Variants in LMNB1 observed in about 807,000 individuals in gnomAD.
The protein encoded by LMNB1 is lamin B1, also known as lamin-B1.
LMNB1 carries 23 observed loss-of-function variants against 67.1 expected under a neutral mutation model. The observed-to-expected ratio is 0.34, with a 90% CI of 0.25 to 0.49. LMNB1 has a LOEUF of 0.49. Among genes scored for constraint, LMNB1 ranks in the 20% least tolerant of loss-of-function variants. The pLI, the probability that LMNB1 is intolerant of heterozygous loss-of-function variation, is 0.99. For synonymous variants in LMNB1, 281 were observed against 282.9 expected (o/e 0.99, Z 0.07); for missense variants, 634 against 746.5 (o/e 0.85, Z 1.76).
rs1411898835 is a variant in LMNB1, at chr5:126,777,788, G to T, written c.280G>T (p.Asp94Tyr). ...GCTGGCCGACGCGCGACGCGCGCTC[G>T]ACGACACGGCCCGCGAGCGCGCCAA... Reference protein sequence around the residue: ...TELADARRALDDTARERAKLQ... With the variant: ...TELADARRALYDTARERAKLQ... The change falls in exon 1 of 11, where the codon GAC becomes TAC. Residue 94 changes from aspartate to tyrosine, a missense_variant. Coordinates refer to ENST00000261366, the MANE Select transcript of LMNB1 (RefSeq NM_005573.4). 6.6e-7 allele frequency: 1 copy of T among 1,506,118 alleles called. No individual in the cohort carries two copies. Among genetic ancestry groups the T allele is most frequent in the Non-Finnish European group, 8.9e-7 (1 of 1,124,770 alleles). The allele number at this position is 1,506,118 out of a possible 1,614,324, so 93.3% of individuals were successfully genotyped here. A position where few individuals can be genotyped will look rare whatever the true frequency, so the allele number is the denominator to read the frequency against.
At chr5:126,821,231 T>A in intron 7 of LMNB1, 96 bp downstream of exon 7, 1 of 751,336 alleles carries the variant, frequency 1.3e-6, no homozygotes, top group Non-Finnish European at 2.3e-6. Context: ...TTGGATTCAT[T>A]ACGTCTTCAT....
At position 126,780,253 on chromosome 5, in the gene LMNB1, A is replaced by G. The variant is rs143857465; in HGVS notation, c.359+2386A>G. On this transcript the variant is annotated intron_variant, in intron 1 of 10. Transcript: ENST00000261366. ...ACCAGTCACCGTTCTATGTTAGAGG[A>G]TATGAAGATTTTTTTAAAAAAATGA... Among the ~76,000 whole-genome samples the G allele has an allele frequency of 7.4e-3, 1,122 of 152,230 alleles. 10 individuals are homozygous for G. The highest frequency in any genetic ancestry group is 0.012 in the Non-Finnish European group (841 of 68,020).
chr5:126,822,963 A>G (rs1478733091), intron 8 of LMNB1, 78 bp downstream of exon 8: 2 of 871,214 alleles, frequency 2.3e-6, no homozygotes, highest in East Asian at 5.2e-5. Flanking sequence ...TTTTGGCTAA[A>G]AGAGAAGCAT....
In LMNB1 at chr5:126,822,969, A is replaced by C. The variant is rs572287331; in HGVS notation, c.1491+84A>C. The C allele has an allele frequency of 4.2e-4, 345 of 821,106 alleles. 1 individual carries two copies. The African/African-American group carries it at 5.6e-3, about 13-fold the overall frequency. The allele number at this position is 821,106 out of a possible 1,614,324, so 50.9% of individuals were successfully genotyped here. On this transcript the variant is annotated intron_variant, in intron 8 of 10. Transcript: ENST00000261366. ...CAAAAAGTTTTTTGGCTAAAAGAGA[A>C]GCATTTTAGAAATGGCCGTTAAAGT...
At chr5:126,827,385 C>T (rs1752021372) in intron 9 of LMNB1, among the ~76,000 whole-genome samples, 1 of 152,150 alleles carries the variant, frequency 6.6e-6, no homozygotes, top group Non-Finnish European at 1.5e-5. Flanking sequence ...TCAGGCCCAG[C>T]GCAGTGGCTC....
At chr5:126,808,482 C>G (rs188875425) in intron 3 of LMNB1, among the ~76,000 whole-genome samples, 42 of 151,252 alleles carry the variant, frequency 2.8e-4, no homozygotes, top group African/African-American at 9.9e-4. Flanking sequence ...AGCCACTACG[C>G]TGGCCTTAAC....
intron 5 of LMNB1, among the ~76,000 whole-genome samples, chr5:126,817,699 T>C (rs1751747986): frequency 6.6e-6 from 1 of 152,234 alleles, no homozygotes; most frequent in Admixed American, 6.5e-5. Flanking sequence ...ATTTTGAACC[T>C]GTACTGCTGT....
chr5:126,780,449 C>T (rs1326490691), intron 1 of LMNB1, among the ~76,000 whole-genome samples: 1 of 152,074 alleles, frequency 6.6e-6, no homozygotes, highest in Non-Finnish European at 1.5e-5. Flanking sequence ...ACCTGGCTGA[C>T]AGTAGTTGTA....
chr5:126,777,910 G>A, intron 1 of LMNB1, 43 bp downstream of exon 1: 1 of 1,380,448 alleles, frequency 7.2e-7, no homozygotes, highest in Non-Finnish European at 9.3e-7. Context: ...AGGAGGGGCG[G>A]GGGCGCAACC....
At chr5:126,825,655 C>T (rs573353429) in intron 8 of LMNB1, among the ~76,000 whole-genome samples, 1 of 152,302 alleles carries the variant, frequency 6.6e-6, no homozygotes, top group South Asian at 2.1e-4. Flanking sequence ...ATAATCGCAC[C>T]TGTTACAGGT....
At chr5:126,813,966 G>A (rs1021213702) in intron 5 of LMNB1, among the ~76,000 whole-genome samples, 2 of 152,082 alleles carry the variant, frequency 1.3e-5, no homozygotes, top group African/African-American at 4.8e-5. Flanking sequence ...CGCAATCTCG[G>A]CTCACTGCAA....
rs11430160 is a variant in LMNB1, at chr5:126,812,718, C to CTTTTTTTTTTT, written c.939+834_939+844dup. Among the ~76,000 whole-genome samples, 213 of 117,138 alleles carry CTTTTTTTTTTT rather than the reference C, an allele frequency of 1.8e-3. 2 individuals carry two copies. Among genetic ancestry groups the CTTTTTTTTTTT allele is most frequent in the African/African-American group, 3.3e-3 (96 of 29,416 alleles). 76.8% of individuals were successfully genotyped at this position (117,138 alleles called of 152,430 possible). ...CCACATGAGAATAAACTTTATTTTA[C>CTTTTTTTTTTT]TTTTTTTTTTTTTTTTTTTTTTTTC... On this transcript the variant is annotated intron_variant, in intron 5 of 10. Coordinates refer to ENST00000261366, the MANE Select transcript of LMNB1 (RefSeq NM_005573.4).
At chr5:126,783,503 C>A (rs1241651149) in intron 1 of LMNB1, among the ~76,000 whole-genome samples, 1 of 152,064 alleles carries the variant, frequency 6.6e-6, no homozygotes, top group Non-Finnish European at 1.5e-5. Context: ...AAGGACCAAA[C>A]CCCTAAAAAT....
intron 8 of LMNB1, among the ~76,000 whole-genome samples, chr5:126,823,755 C>T (rs1751925702): frequency 1.3e-5 from 2 of 152,092 alleles, no homozygotes; most frequent in South Asian, 4.1e-4. Context: ...GAGCATGATG[C>T]CACTTTGTGA....
chr5:126,777,422 C>T lies in LMNB1; in HGVS notation c.-87C>T, dbSNP rs1750486629. The T allele has an allele frequency of 7.2e-6, 9 of 1,247,700 alleles. No homozygotes were observed. The highest frequency in any genetic ancestry group is 9.0e-6 in the Non-Finnish European group (9 of 997,408). 77.3% of individuals were successfully genotyped at this position (1,247,700 alleles called of 1,614,324 possible). A position where few individuals can be genotyped will look rare whatever the true frequency, so the allele number is the denominator to read the frequency against. On this transcript the variant is annotated 5_prime_UTR_variant, in exon 1 of 11. Coordinates refer to ENST00000261366, the MANE Select transcript of LMNB1 (RefSeq NM_005573.4). ...GTGAGCGCAGGTCGCCGGTTTGTGC[C>T]TTCGGTCCCCGCTTCGCCCCCTGCC...
chr5:126,777,978 C>A, intron 1 of LMNB1, 111 bp downstream of exon 1: 1 of 986,740 alleles, frequency 1.0e-6, no homozygotes, highest in Non-Finnish European at 1.4e-6. Flanking sequence ...AGGATGCACG[C>A]GTCCTTCTGA....
At chr5:126,785,268 G>T (rs978534801) in intron 1 of LMNB1, among the ~76,000 whole-genome samples, 1 of 149,988 alleles carries the variant, frequency 6.7e-6, no homozygotes, top group Non-Finnish European at 1.5e-5. Flanking sequence ...TTACAGGTGT[G>T]AGCCACGGTG....
intron 1 of LMNB1, among the ~76,000 whole-genome samples, chr5:126,793,612 C>T (rs370724340): frequency 5.9e-5 from 9 of 152,190 alleles, no homozygotes; most frequent in African/African-American, 1.9e-4. Context: ...TGGTGGCTCA[C>T]GCCTGTAATC....
At chr5:126,789,847 G>A (rs1301974434) in intron 1 of LMNB1, among the ~76,000 whole-genome samples, 3 of 152,190 alleles carry the variant, frequency 2.0e-5, no homozygotes, top group African/African-American at 7.2e-5. Context: ...CTAATTTTTT[G>A]TATTTTTAGT....
Sources: allele counts gnomAD v4.1 joint callset (sites outside exome capture counted in the v4.1 genomes callset), GRCh38; gene constraint gnomAD v4.1.1; transcripts MANE v1.5; gene names NCBI Gene and HGNC (gene_info 2026-07-23, HGNC 2026-07-21).